GRM8: variants seen among roughly 807,000 people sequenced by gnomAD.
GRM8 encodes the protein glutamate metabotropic receptor 8.
In GRM8, 47 loss-of-function variants were observed where a neutral mutation model predicts 87.2. That is an observed-to-expected ratio of 0.54 (90% CI 0.43 to 0.69). The LOEUF is 0.69. Ranked by LOEUF, GRM8 falls within the 30% of genes least tolerant of loss-of-function variation. The probability of loss-of-function intolerance (pLI) is 0.00; values close to 1 mark genes in which losing one functional copy is unlikely to be tolerated. For synonymous variants in GRM8, 396 were observed against 404.5 expected, an observed-to-expected ratio of 0.98 and a Z score of 0.25; for missense variants, 1,019 against 1,139.2, an observed-to-expected ratio of 0.89 and a Z score of 1.52.
intron 2 of GRM8, among the ~76,000 whole-genome samples, chr7:127,235,716 G>A (rs1005463279): frequency 6.6e-6 from 1 of 151,800 alleles, no homozygotes; most frequent in Non-Finnish European, 1.5e-5. Flanking sequence ...ACCAATGCAG[G>A]GCTCTACACC....
intron 9 of GRM8, among the ~76,000 whole-genome samples, chr7:126,530,196 T>C (rs1021933893): frequency 3.9e-5 from 6 of 152,260 alleles, no homozygotes; most frequent in African/African-American, 1.2e-4. Flanking sequence ...TAGTTGTTAT[T>C]CTTGCTTCTT....
At chr7:126,905,060 G>T (rs562288870) in intron 3 of GRM8, among the ~76,000 whole-genome samples, 1 of 152,310 alleles carries the variant, frequency 6.6e-6, no homozygotes, top group South Asian at 2.1e-4. Flanking sequence ...ATGTCTTATA[G>T]TTGAGACCCT....
chr7:127,190,891 T>C (rs1401747805), intron 2 of GRM8, among the ~76,000 whole-genome samples: 1 of 152,196 alleles, frequency 6.6e-6, no homozygotes. Flanking sequence ...GATTTCTTTC[T>C]TCTATGGGTA....
At chr7:127,107,018 C>A (rs75765962) in intron 2 of GRM8, among the ~76,000 whole-genome samples, 1 of 152,052 alleles carries the variant, frequency 6.6e-6, no homozygotes, top group Admixed American at 6.5e-5. Flanking sequence ...GTTGATGTTG[C>A]TTTTTTAGTC....
At chr7:127,081,374 T>C (rs561395491) in intron 3 of GRM8, among the ~76,000 whole-genome samples, 1 of 152,350 alleles carries the variant, frequency 6.6e-6, no homozygotes, top group South Asian at 2.1e-4. Flanking sequence ...GCAATGCAGA[T>C]ATTGGCTTCA....
intron 8 of GRM8, among the ~76,000 whole-genome samples, chr7:126,565,099 T>C (rs796924691): frequency 2.6e-4 from 40 of 152,196 alleles, no homozygotes; most frequent in African/African-American, 9.2e-4. Context: ...ACAGGTAACA[T>C]CACACTCAGT....
chr7:127,121,623 G>A (rs1009864824), intron 2 of GRM8, among the ~76,000 whole-genome samples: 1 of 152,176 alleles, frequency 6.6e-6, no homozygotes, highest in African/African-American at 2.4e-5. Context: ...GGCTGTACAG[G>A]AAGGATGGCT....
intron 9 of GRM8, among the ~76,000 whole-genome samples, chr7:126,531,226 T>C (rs776388336): frequency 6.6e-6 from 1 of 152,198 alleles, no homozygotes; most frequent in Non-Finnish European, 1.5e-5. Context: ...ACTAAATAAT[T>C]TGTGGGCTCT....
intron 3 of GRM8, among the ~76,000 whole-genome samples, chr7:127,090,619 A>T (rs1823967015): frequency 6.6e-6 from 1 of 152,194 alleles, no homozygotes; most frequent in African/African-American, 2.4e-5. Context: ...CAATCCTGCT[A>T]TCATGTACTT....
chr7:126,542,816 G>A (rs892248364), intron 8 of GRM8, among the ~76,000 whole-genome samples: 1 of 152,158 alleles, frequency 6.6e-6, no homozygotes, highest in Non-Finnish European at 1.5e-5. Context: ...TCAGAGGGAG[G>A]ATGGCAGAGA....
Position 126,615,006 on chromosome 7 carries a change from T to C in GRM8, c.1358-5508A>G, listed in dbSNP as rs1023431937. The stretch of plus-strand genomic sequence containing the variant: ...CTAGCAAGGCAGGACAACATTCAAA[T>C]TCAGGAAATACAGAGAACACCACAA... On this transcript the variant is annotated intron_variant, in intron 7 of 10. Coordinates refer to ENST00000339582, the MANE Select transcript of GRM8 (RefSeq NM_000845.3). Among the ~76,000 whole-genome samples, 129 of 152,028 alleles carry C rather than the reference T, an allele frequency of 8.5e-4. 1 individual carries two copies. The highest frequency in any genetic ancestry group is 3.7e-3 in the Admixed American group (57 of 15,256).
intron 7 of GRM8, among the ~76,000 whole-genome samples, chr7:126,612,812 C>A (rs1334493340): frequency 6.6e-6 from 1 of 152,206 alleles, no homozygotes; most frequent in African/African-American, 2.4e-5. Context: ...CAAGCAAATC[C>A]ATGCTTCCCT....
intron 7 of GRM8, among the ~76,000 whole-genome samples, chr7:126,769,631 T>C (rs1018795465): frequency 7.4e-6 from 1 of 135,622 alleles, no homozygotes; most frequent in Non-Finnish European, 1.7e-5. Flanking sequence ...GTAAAACATT[T>C]TGATTGACAG....
intron 7 of GRM8, among the ~76,000 whole-genome samples, chr7:126,754,167 G>A (rs1361997): frequency 0.39 from 58,879 of 151,264 alleles, 12,605 homozygotes; most frequent in Non-Finnish European, 0.48. Context: ...TGAATCTGTT[G>A]GCATAGTCCC....
Position 126,873,751 on chromosome 7 carries a change from T to C in GRM8, c.1156+28791A>G, listed in dbSNP as rs143430450. 2.8e-3 allele frequency among the ~76,000 whole-genome samples: 427 copies of C among 152,242 alleles called. 3 individuals are homozygous for C. The highest frequency in any genetic ancestry group is 9.2e-3 in the African/African-American group (384 of 41,564). ...TTTCTTTGTCTTGAGCCATATTCTATGTTCAGGCTCTCAACATGGCAACCT... is the reference window on the plus strand; with the variant it reads ...TTTCTTTGTCTTGAGCCATATTCTACGTTCAGGCTCTCAACATGGCAACCT... On this transcript the variant is annotated intron_variant, in intron 6 of 10. Coordinates refer to ENST00000339582, the MANE Select transcript of GRM8 (RefSeq NM_000845.3).
chr7:127,229,539 A>G (rs1226596453), intron 2 of GRM8: 1 of 152,224 alleles, frequency 6.6e-6, no homozygotes, highest in African/African-American at 2.4e-5. Context: ...GAGGAAAAAT[A>G]TCCAAGGATT....
At chr7:126,656,637 T>C (rs1804563612) in intron 7 of GRM8, among the ~76,000 whole-genome samples, 2 of 151,966 alleles carry the variant, frequency 1.3e-5, no homozygotes, top group Non-Finnish European at 2.9e-5. Flanking sequence ...CACTGCACTC[T>C]AGCCTAGATG....
At position 126,560,276 on chromosome 7, in the gene GRM8, G is replaced by T. The variant is rs530819629; in HGVS notation, c.1495-26389C>A. On this transcript the variant is annotated intron_variant, in intron 8 of 10. Coordinates refer to ENST00000339582, the MANE Select transcript of GRM8 (RefSeq NM_000845.3). ...GCAAGATTTCTAATTATAACTCATT[G>T]CTAATATTTCATATGGCTTATAAAA... Among the ~76,000 whole-genome samples the T allele has an allele frequency of 5.3e-5, 8 of 152,184 alleles. No homozygotes were observed. In the South Asian group the frequency reaches 1.7e-3, roughly 32 times the overall value.
intron 9 of GRM8, among the ~76,000 whole-genome samples, chr7:126,525,153 T>C (rs992693782): frequency 1.3e-5 from 2 of 152,240 alleles, no homozygotes; most frequent in East Asian, 1.9e-4. Flanking sequence ...GGGCTGACTA[T>C]GAACTTGTGA....
Sources: allele counts gnomAD v4.1 joint callset (sites outside exome capture counted in the v4.1 genomes callset), GRCh38; gene constraint gnomAD v4.1.1; transcripts MANE v1.5; gene names NCBI Gene and HGNC (gene_info 2026-07-23, HGNC 2026-07-21).